ABI3BP: variants seen among roughly 807,000 people sequenced by gnomAD.
ABI3BP encodes the protein ABI family member 3 binding protein, also known as target of Nesh-SH3.
A neutral mutation model predicts 268.6 loss-of-function variants in ABI3BP; 216 were observed. The observed-to-expected ratio is 0.80, with a 90% CI of 0.72 to 0.90. The LOEUF is 0.90. Ranked by LOEUF, ABI3BP falls within the 40% of genes least tolerant of loss-of-function variation. ABI3BP has a pLI of 0.00. For synonymous variants in ABI3BP, 730 were observed against 730.0 expected, an observed-to-expected ratio of 1.00 and a Z score of 0.00; for missense variants, 2,090 against 2,182.4, an observed-to-expected ratio of 0.96 and a Z score of 0.84.
intron 1 of ABI3BP, among the ~76,000 whole-genome samples, chr3:100,947,040 T>C (rs1043234078): frequency 6.6e-6 from 1 of 152,168 alleles, no homozygotes. Flanking sequence ...TGAAAATAAA[T>C]AGCTATCTTT....
intron 4 of ABI3BP, among the ~76,000 whole-genome samples, chr3:100,896,496 G>A (rs1199490699): frequency 6.6e-6 from 1 of 152,186 alleles, no homozygotes; most frequent in East Asian, 1.9e-4. Flanking sequence ...TGCTACACAA[G>A]TTTGCCAGGT....
In ABI3BP at chr3:100,752,926, A is replaced by AT; in HGVS notation, c.4982_4983insA (p.Glu1662Ter). 1.2e-6 allele frequency: 2 copies of AT among 1,612,696 alleles called. No individual in the cohort carries two copies. The highest frequency in any genetic ancestry group is 1.7e-4 in the Middle Eastern group (1 of 6,052). On this transcript the variant is annotated frameshift_variant, in exon 66 of 68. Coordinates refer to ENST00000471714, the MANE Select transcript of ABI3BP (RefSeq NM_001375547.2). LOFTEE classifies it high-confidence loss of function. ...AAGAGTCTGAATTAAAGGGTCTTTCAGTCCAGATGGCATCTCTTCCTGCTA... is the reference window on the plus strand; with the variant it reads ...AAGAGTCTGAATTAAAGGGTCTTTCATGTCCAGATGGCATCTCTTCCTGCTA...
At position 100,926,118 on chromosome 3, in the gene ABI3BP, A is replaced by G. The variant is rs145598643; in HGVS notation, c.259+184T>C. ...AAGATAACTATTTCTGCATGTAATA[A>G]TTTTTTTAATGTAAAGAATTATGCT... On this transcript the variant is annotated intron_variant, in intron 2 of 67. Coordinates refer to ENST00000471714, the MANE Select transcript of ABI3BP (RefSeq NM_001375547.2). Among the ~76,000 whole-genome samples, 688 of 152,234 alleles carry G rather than the reference A, an allele frequency of 4.5e-3. 3 individuals are homozygous for G. Among genetic ancestry groups the G allele is most frequent in the African/African-American group, 0.016 (660 of 41,558 alleles).
intron 63 of ABI3BP, 119 bp from the exon 64 acceptor site, chr3:100,754,810 G>A: frequency 2.5e-6 from 2 of 800,664 alleles, no homozygotes; most frequent in South Asian, 1.7e-5. Flanking sequence ...GACAGTGAAT[G>A]GTAACATATG....
intron 1 of ABI3BP, among the ~76,000 whole-genome samples, chr3:100,987,497 T>C (rs2092115665): frequency 6.6e-6 from 1 of 152,214 alleles, no homozygotes; most frequent in Admixed American, 6.5e-5. Flanking sequence ...CTTTATTTTT[T>C]TAAACCTCAG....
At chr3:100,912,353 A>T (rs373258893) in intron 2 of ABI3BP, among the ~76,000 whole-genome samples, 1 of 149,860 alleles carries the variant, frequency 6.7e-6, no homozygotes, top group Non-Finnish European at 1.5e-5. Flanking sequence ...AGCTCTTTCC[A>T]TAAGTATAAA....
intron 22 of ABI3BP, 25 bp from the exon 23 acceptor site, chr3:100,840,189 A>T (rs1445770441): frequency 6.7e-7 from 1 of 1,495,234 alleles, no homozygotes; most frequent in Non-Finnish European, 8.9e-7. Context: ...TTAGCAAGTT[A>T]ATACAAGAAG....
intron 4 of ABI3BP, among the ~76,000 whole-genome samples, chr3:100,895,321 C>T (rs2047156940): frequency 6.6e-6 from 1 of 152,028 alleles, no homozygotes; most frequent in South Asian, 2.1e-4. Flanking sequence ...ATGGGAGACC[C>T]ATAAAGACCC....
chr3:100,784,111 A>G (rs1287072769), intron 57 of ABI3BP, among the ~76,000 whole-genome samples: 1 of 152,244 alleles, frequency 6.6e-6, no homozygotes, highest in Non-Finnish European at 1.5e-5. Context: ...AATATCTAAA[A>G]TGAGTGAAAT....
At position 100,881,714 on chromosome 3, in the gene ABI3BP, T is replaced by C. The variant is rs1192435383; in HGVS notation, c.696+3822A>G. 3.3e-5 allele frequency among the ~76,000 whole-genome samples: 5 copies of C among 152,190 alleles called. No individual in the cohort carries two copies. In the East Asian group the frequency reaches 7.7e-4, roughly 23 times the overall value. ...CAAGCATCATGATAAATGTATCTTTTTCTTCCTCAATCATATGGATCTCAA... is the reference window on the plus strand; with the variant it reads ...CAAGCATCATGATAAATGTATCTTTCTCTTCCTCAATCATATGGATCTCAA... On this transcript the variant is annotated intron_variant, in intron 6 of 67. Coordinates refer to ENST00000471714, the MANE Select transcript of ABI3BP (RefSeq NM_001375547.2).
At chr3:100,983,151 C>A (rs1188474898) in intron 1 of ABI3BP, among the ~76,000 whole-genome samples, 1 of 152,208 alleles carries the variant, frequency 6.6e-6, no homozygotes, top group African/African-American at 2.4e-5. Context: ...GAAGCTCCAC[C>A]TTGGCATCAC....
intron 61 of ABI3BP, among the ~76,000 whole-genome samples, chr3:100,773,009 C>T (rs1281635186): frequency 6.9e-6 from 1 of 145,654 alleles, no homozygotes; most frequent in East Asian, 2.1e-4. Context: ...ACCCAGGAAG[C>T]GGAGGTTGCA....
chr3:100,804,671 T>C, intron 51 of ABI3BP, 121 bp downstream of exon 51: 1 of 876,550 alleles, frequency 1.1e-6, no homozygotes, highest in Non-Finnish European at 1.8e-6. Flanking sequence ...CCACATATGA[T>C]ACAACATGGG....
chr3:100,754,053 C>T (rs1449133389), intron 64 of ABI3BP, among the ~76,000 whole-genome samples: 2 of 152,210 alleles, frequency 1.3e-5, no homozygotes, highest in East Asian at 1.9e-4. Flanking sequence ...AGGTATTCAG[C>T]TGTATCTGTT....
intron 1 of ABI3BP, among the ~76,000 whole-genome samples, chr3:100,971,151 G>A (rs1001616719): frequency 6.6e-6 from 1 of 152,128 alleles, no homozygotes; most frequent in African/African-American, 2.4e-5. Context: ...ATTTCAGTTA[G>A]GAATTTCTGC....
Position 100,813,696 on chromosome 3 carries a change from G to GTCACTGGT in ABI3BP, c.3321_3328dup (p.Thr1110AsnfsTer3). ...TTCTGTCATTTCTAGGCTTGGTGAT[G>GTCACTGGT]TCACTGGTTTCAAAATAAGAGTTTG... On this transcript the variant is annotated stop_gained and frameshift_variant, in exon 45 of 68. Coordinates refer to ENST00000471714, the MANE Select transcript of ABI3BP (RefSeq NM_001375547.2). LOFTEE classifies it high-confidence loss of function. 6.5e-7 allele frequency: 1 copy of GTCACTGGT among 1,535,400 alleles called. No homozygotes were observed. Among genetic ancestry groups the GTCACTGGT allele is most frequent in the South Asian group, 1.2e-5 (1 of 84,024 alleles).
chr3:100,775,571 C>T lies in ABI3BP; in HGVS notation c.4334-236G>A, dbSNP rs542191999. Among the ~76,000 whole-genome samples the T allele has an allele frequency of 7.3e-5, 11 of 151,702 alleles. 1 individual carries two copies. Among genetic ancestry groups the T allele is most frequent in the South Asian group, 4.2e-4 (2 of 4,748 alleles). Reference sequence around the variant, plus strand: ...ACTAGATAACATCACAGAGGGGGCGCGTAAGAAGAGGGAGTGGTTATGTCT... The same window carrying T: ...ACTAGATAACATCACAGAGGGGGCGTGTAAGAAGAGGGAGTGGTTATGTCT... On this transcript the variant is annotated intron_variant, in intron 59 of 67. Transcript: ENST00000471714.
intron 14 of ABI3BP, among the ~76,000 whole-genome samples, chr3:100,859,808 G>A (rs1326607348): frequency 6.6e-6 from 1 of 152,124 alleles, no homozygotes; most frequent in Admixed American, 6.5e-5. Flanking sequence ...ATTGATTTGA[G>A]GCCTATGGTG....
At position 100,979,820 on chromosome 3, in the gene ABI3BP, G is replaced by A. The variant is rs75762342; in HGVS notation, c.79+13486C>T. Among the ~76,000 whole-genome samples, 899 of 152,314 alleles carry A rather than the reference G, an allele frequency of 5.9e-3. 28 individuals are homozygous for A. In the East Asian group the frequency reaches 0.1, roughly 17 times the overall value. On this transcript the variant is annotated intron_variant, in intron 1 of 67. Transcript: ENST00000471714. ...AATTTATGGGATTATAGGACTCAAT[G>A]CACATTCCTTGTAAACATCTGAGAA...
Sources: gnomAD v4.1 joint callset for allele counts (sites outside exome capture counted in the v4.1 genomes callset) on GRCh38, gnomAD v4.1.1 for gene constraint, MANE v1.5 for transcripts, NCBI Gene and HGNC (gene_info 2026-07-23, HGNC 2026-07-21) for gene names.